ADGRL3: variants seen among roughly 807,000 people sequenced by gnomAD.
ADGRL3 encodes calcium-independent alpha-latrotoxin receptor 3.
A neutral mutation model predicts 153.5 loss-of-function variants in ADGRL3; 62 were observed. That is an observed-to-expected ratio of 0.40 (90% CI 0.33 to 0.50). The LOEUF (loss-of-function observed/expected upper bound fraction) is 0.50, where lower values mean the gene tolerates loss of function less well. Among genes scored for constraint, ADGRL3 ranks in the 20% least tolerant of loss-of-function variants. The pLI, the probability that ADGRL3 is intolerant of heterozygous loss-of-function variation, is 0.47. For synonymous variants in ADGRL3, 710 were observed against 672.5 expected, an observed-to-expected ratio of 1.06 and a Z score of -0.86; for missense variants, 1,641 against 1,859.4, an observed-to-expected ratio of 0.88 and a Z score of 2.16.
In ADGRL3 at chr4:61,259,219, C is replaced by T. The variant is rs1256008125; in HGVS notation, c.-240+57454C>T. Among the ~76,000 whole-genome samples the T allele has an allele frequency of 6.6e-4, 100 of 152,050 alleles. 2 individuals carry two copies. Among genetic ancestry groups the T allele is most frequent in the Non-Finnish European group, 4.4e-5 (3 of 67,964 alleles). On this transcript the variant is annotated intron_variant, in intron 1 of 26. Transcript: ENST00000683033. ...GCGGCGGATCACGAGGTCAGGAGATCGAGACCATCCTGGCTAACACAGTGA... is the reference window on the plus strand; with the variant it reads ...GCGGCGGATCACGAGGTCAGGAGATTGAGACCATCCTGGCTAACACAGTGA...
chr4:61,571,501 C>A (rs1197305674), intron 4 of ADGRL3, among the ~76,000 whole-genome samples: 2 of 151,732 alleles, frequency 1.3e-5, no homozygotes, highest in African/African-American at 4.8e-5. Context: ...TGACAGAGAC[C>A]CTGTCTCAAA....
intron 1 of ADGRL3, among the ~76,000 whole-genome samples, chr4:61,340,191 T>C (rs1433065864): frequency 1.3e-5 from 2 of 152,148 alleles, no homozygotes; most frequent in Admixed American, 1.3e-4. Context: ...TCAAACTAAA[T>C]TGGATATTTT....
At chr4:61,611,585 C>A (rs757286196) in intron 5 of ADGRL3, among the ~76,000 whole-genome samples, 2 of 151,940 alleles carry the variant, frequency 1.3e-5, no homozygotes, top group African/African-American at 4.8e-5. Context: ...CAGTAAATAT[C>A]TTTTTTTACA....
Position 62,074,961 on chromosome 4 carries a change from A to G in ADGRL3, c.*4053A>G, listed in dbSNP as rs1746686688. 6.6e-6 allele frequency: 1 copy of G among 152,130 alleles called. No individual in the cohort carries two copies. The highest frequency in any genetic ancestry group is 2.4e-5 in the African/African-American group (1 of 41,440). The allele number at this position is 152,130 out of a possible 1,614,324, so 9.4% of individuals were successfully genotyped here. On this transcript the variant is annotated 3_prime_UTR_variant, in exon 27 of 27. Coordinates refer to ENST00000683033, the MANE Select transcript of ADGRL3 (RefSeq NM_001387552.1). ...TTCAGCTTCCCTGGACCCCCAACAC[A>G]TGTTGAAATGTTATTGACTAGCTTG...
intron 1 of ADGRL3, among the ~76,000 whole-genome samples, chr4:61,290,192 AC>A (rs1310297577): frequency 6.6e-6 from 1 of 152,090 alleles, no homozygotes; most frequent in Non-Finnish European, 1.5e-5. Flanking sequence ...GTTGATTAGT[AC>A]CACATTTTGA....
intron 2 of ADGRL3, among the ~76,000 whole-genome samples, chr4:61,400,516 C>G (rs1412974212): frequency 1.3e-5 from 2 of 151,748 alleles, no homozygotes; most frequent in Non-Finnish European, 3.0e-5. Flanking sequence ...TATATTGTTC[C>G]TGGGATTCCC....
intron 2 of ADGRL3, among the ~76,000 whole-genome samples, chr4:61,488,356 C>T (rs2098220198): frequency 6.6e-6 from 1 of 151,862 alleles, no homozygotes; most frequent in South Asian, 2.1e-4. Context: ...TATTATTTGC[C>T]AGTGTTTCAG....
intron 9 of ADGRL3, among the ~76,000 whole-genome samples, chr4:61,870,002 G>C (rs1310176211): frequency 7.5e-6 from 1 of 133,060 alleles, no homozygotes; most frequent in Admixed American, 8.5e-5. Flanking sequence ...GAGAGAGAGA[G>C]AGAGAGAGAA....
intron 1 of ADGRL3, among the ~76,000 whole-genome samples, chr4:61,203,647 T>G: frequency 6.6e-6 from 1 of 152,212 alleles, no homozygotes; most frequent in East Asian, 1.9e-4. Flanking sequence ...AAAGAAACAC[T>G]TCTTTAGCAC....
At chr4:61,693,785 T>C (rs1456990245) in intron 6 of ADGRL3, among the ~76,000 whole-genome samples, 3 of 152,326 alleles carry the variant, frequency 2.0e-5, no homozygotes, top group Admixed American at 1.3e-4. Flanking sequence ...TTTCTTCAGC[T>C]TGATATTAAA....
chr4:61,993,164 T>TTGTG (rs3065140), intron 19 of ADGRL3, among the ~76,000 whole-genome samples: 20,021 of 138,326 alleles, frequency 0.14, 1,560 homozygotes, highest in Middle Eastern at 0.22. Context: ...TGGGCTGCAG[T>TTGTG]TGTGTGTGTG....
intron 8 of ADGRL3, among the ~76,000 whole-genome samples, chr4:61,794,914 C>A (rs1272908830): frequency 3.3e-5 from 5 of 152,156 alleles, no homozygotes; most frequent in Admixed American, 3.3e-4. Flanking sequence ...ATTGTCATTG[C>A]TTTCACAATT....
intron 6 of ADGRL3, among the ~76,000 whole-genome samples, chr4:61,711,098 G>GT (rs1209110581): frequency 1.3e-5 from 2 of 152,066 alleles, no homozygotes; most frequent in Non-Finnish European, 2.9e-5. Context: ...GTTGGACATT[G>GT]TGCCTAAGGG....
chr4:61,656,719 C>A (rs1423931533), intron 5 of ADGRL3, among the ~76,000 whole-genome samples: 1 of 152,096 alleles, frequency 6.6e-6, no homozygotes, highest in Non-Finnish European at 1.5e-5. Flanking sequence ...GAAAGGAAAT[C>A]CAATGTAGGA....
chr4:61,600,911 C>G (rs181429449), intron 5 of ADGRL3, among the ~76,000 whole-genome samples: 1 of 152,090 alleles, frequency 6.6e-6, no homozygotes, highest in Admixed American at 6.5e-5. Flanking sequence ...TATATGACTT[C>G]TCAGTATAGA....
At position 61,270,880 on chromosome 4, in the gene ADGRL3, G is replaced by A. The variant is rs902903917; in HGVS notation, c.-240+69115G>A. Among the ~76,000 whole-genome samples the A allele has an allele frequency of 2.0e-5, 3 of 151,624 alleles. No individual in the cohort carries two copies. In the South Asian group the frequency reaches 6.2e-4, roughly 31 times the overall value. On this transcript the variant is annotated intron_variant, in intron 1 of 26. Transcript: ENST00000683033. ...TACTGTTGTTTTCTAAGTTCAAATA[G>A]AAAAGGGTAATATTCATATGGCACT...
At chr4:61,682,769 G>C (rs886132496) in intron 6 of ADGRL3, among the ~76,000 whole-genome samples, 1 of 151,934 alleles carries the variant, frequency 6.6e-6, no homozygotes, top group Non-Finnish European at 1.5e-5. Flanking sequence ...TGCTTCACAT[G>C]TGCATGGAAG....
At chr4:61,961,216 C>G (rs2098986591) in intron 17 of ADGRL3, among the ~76,000 whole-genome samples, 1 of 152,066 alleles carries the variant, frequency 6.6e-6, no homozygotes, top group Non-Finnish European at 1.5e-5. Context: ...AAAACACATC[C>G]CTTTTGCTTA....
chr4:62,023,938 TAGAG>T lies in ADGRL3; in HGVS notation c.3396-4914_3396-4911del, dbSNP rs1293444947. Among the ~76,000 whole-genome samples the T allele has an allele frequency of 3.9e-5, 6 of 152,230 alleles. 1 individual carries two copies. The South Asian group carries it at 6.2e-4, about 16-fold the overall frequency. Reference sequence around the variant, plus strand: ...TACCAATTCATTTTTGTAAATCTGATAGAGAGGGATACTGAATTCTAATAAGTAT... The same window carrying T: ...TACCAATTCATTTTTGTAAATCTGATAGGGATACTGAATTCTAATAAGTAT... On this transcript the variant is annotated intron_variant, in intron 21 of 26. Coordinates refer to ENST00000683033, the MANE Select transcript of ADGRL3 (RefSeq NM_001387552.1).
Sources: allele counts gnomAD v4.1 joint callset (sites outside exome capture counted in the v4.1 genomes callset), GRCh38; gene constraint gnomAD v4.1.1; transcripts MANE v1.5; gene names NCBI Gene and HGNC (gene_info 2026-07-23, HGNC 2026-07-21).